Variants in PITPNC1 observed in about 807,000 individuals in gnomAD.
The protein encoded by PITPNC1 is phosphatidylinositol transfer protein cytoplasmic 1.
PITPNC1 carries 18 observed loss-of-function variants against 44.7 expected under a neutral mutation model. That is an observed-to-expected ratio of 0.40 (90% CI 0.28 to 0.60). The LOEUF (loss-of-function observed/expected upper bound fraction) is 0.60, where lower values mean the gene tolerates loss of function less well. PITPNC1 is among the 20% of genes least tolerant of loss of function. The pLI, the probability that PITPNC1 is intolerant of heterozygous loss-of-function variation, is 0.39. For synonymous variants in PITPNC1, 141 were observed against 149.6 expected (o/e 0.94, Z 0.42); for missense variants, 290 against 418.4 (o/e 0.69, Z 2.68).
chr17:67,585,123 A>AT (rs2041295258), intron 5 of PITPNC1, among the ~76,000 whole-genome samples: 1 of 151,150 alleles, frequency 6.6e-6, no homozygotes, highest in Non-Finnish European at 1.5e-5. Flanking sequence ...TCTCAGAAAA[A>AT]AAAAAAAAAA....
intron 1 of PITPNC1, among the ~76,000 whole-genome samples, chr17:67,418,712 C>T (rs552112647): frequency 6.6e-6 from 1 of 152,066 alleles, no homozygotes; most frequent in Non-Finnish European, 1.5e-5. Context: ...AGGCCCCCAC[C>T]ATCACGCCAG....
At chr17:67,419,364 C>T (rs988930435) in intron 1 of PITPNC1, among the ~76,000 whole-genome samples, 1 of 152,100 alleles carries the variant, frequency 6.6e-6, no homozygotes, top group Non-Finnish European at 1.5e-5. Flanking sequence ...TGATGCATTT[C>T]CTACTAAGAC....
chr17:67,509,851 A>T (rs1042068576), intron 1 of PITPNC1, among the ~76,000 whole-genome samples: 9 of 152,280 alleles, frequency 5.9e-5, no homozygotes, highest in African/African-American at 2.2e-4. Flanking sequence ...ATTTTGGGTC[A>T]ATTCGTCTTC....
intron 5 of PITPNC1, among the ~76,000 whole-genome samples, chr17:67,608,929 G>T (rs996354411): frequency 5.3e-5 from 8 of 152,058 alleles, no homozygotes; most frequent in African/African-American, 1.9e-4. Flanking sequence ...TGCATCTTTG[G>T]CAGGAATTCT....
chr17:67,427,444 C>G (rs1312292735), intron 1 of PITPNC1, among the ~76,000 whole-genome samples: 5 of 152,066 alleles, frequency 3.3e-5, no homozygotes, highest in African/African-American at 1.2e-4. Context: ...GATCTCCTGA[C>G]CTTGTGATCC....
At chr17:67,451,404 A>G (rs1355664956) in intron 1 of PITPNC1, among the ~76,000 whole-genome samples, 7 of 152,058 alleles carry the variant, frequency 4.6e-5, no homozygotes, top group Admixed American at 4.6e-4. Flanking sequence ...TAAAACAACA[A>G]AAGCTCTTAA....
In PITPNC1 at chr17:67,405,065, G is replaced by A. The variant is rs1173482005; in HGVS notation, c.48+26863G>A. 8.5e-5 allele frequency among the ~76,000 whole-genome samples: 13 copies of A among 152,156 alleles called. No homozygotes were observed. In the South Asian group the frequency reaches 2.5e-3, roughly 29 times the overall value. On this transcript the variant is annotated intron_variant, in intron 1 of 8. Transcript: ENST00000581322. ...AGTTCGAGGCTAGCCTGGCCAACATGGTGAAACCCTGTGTCTACTAAAAAT... is the reference window on the plus strand; with the variant it reads ...AGTTCGAGGCTAGCCTGGCCAACATAGTGAAACCCTGTGTCTACTAAAAAT...
chr17:67,518,431 G>C (rs2040284135), intron 1 of PITPNC1, among the ~76,000 whole-genome samples: 1 of 145,898 alleles, frequency 6.9e-6, no homozygotes, highest in Admixed American at 6.9e-5. Flanking sequence ...TGTTTAATCA[G>C]GACCCTACTG....
intron 4 of PITPNC1, among the ~76,000 whole-genome samples, chr17:67,559,918 GATTA>G (rs2040885110): frequency 6.6e-6 from 1 of 152,164 alleles, no homozygotes; most frequent in East Asian, 1.9e-4. Flanking sequence ...AAACAAAGAA[GATTA>G]TGTGAGACCG....
chr17:67,442,204 C>CATATATATATATAT lies in PITPNC1; in HGVS notation c.48+64033_48+64046dup, dbSNP rs10526037. On this transcript the variant is annotated intron_variant, in intron 1 of 8. Transcript: ENST00000581322. Reference sequence around the variant, plus strand: ...TGGAGCTGGATCAGGGGAAAATAAGCATATATATATATATATATATATATA... The same window carrying CATATATATATATAT: ...TGGAGCTGGATCAGGGGAAAATAAGCATATATATATATATATATATATATATATATATATATATA... Among the ~76,000 whole-genome samples, 16 of 54,244 alleles carry CATATATATATATAT rather than the reference C, an allele frequency of 2.9e-4. 1 individual carries two copies. Among genetic ancestry groups the CATATATATATATAT allele is most frequent in the Admixed American group, 3.3e-4 (1 of 3,072 alleles). The allele number at this position is 54,244 out of a possible 152,430, so 35.6% of individuals were successfully genotyped here.
intron 1 of PITPNC1, among the ~76,000 whole-genome samples, chr17:67,499,965 T>C (rs959091009): frequency 2.6e-5 from 4 of 152,258 alleles, no homozygotes; most frequent in Non-Finnish European, 4.4e-5. Context: ...TCCATCGTTT[T>C]AAATAAATGC....
At chr17:67,525,879 G>A (rs1433282773) in intron 1 of PITPNC1, among the ~76,000 whole-genome samples, 3 of 152,214 alleles carry the variant, frequency 2.0e-5, no homozygotes, top group Admixed American at 6.5e-5. Flanking sequence ...AATCACACAC[G>A]TTTCACAGCT....
At position 67,680,456 on chromosome 17, in the gene PITPNC1, T is replaced by C. The variant is rs955982618; in HGVS notation, c.682+4914T>C. Among the ~76,000 whole-genome samples, 8 of 152,006 alleles carry C rather than the reference T, an allele frequency of 5.3e-5. No individual in the cohort carries two copies. The East Asian group carries it at 1.5e-3, about 29-fold the overall frequency. On this transcript the variant is annotated intron_variant, in intron 8 of 8. Coordinates refer to ENST00000581322, the MANE Select transcript of PITPNC1 (RefSeq NM_012417.4). Reference sequence around the variant, plus strand: ...CTCTACTGAAAATACAAAAGTTAGCTAGGCGTGGTTGCGGGCACCTGTAAT... The same window carrying C: ...CTCTACTGAAAATACAAAAGTTAGCCAGGCGTGGTTGCGGGCACCTGTAAT...
chr17:67,573,213 A>C (rs1484103566), intron 4 of PITPNC1, among the ~76,000 whole-genome samples: 1 of 152,156 alleles, frequency 6.6e-6, no homozygotes, highest in Non-Finnish European at 1.5e-5. Flanking sequence ...GGCACCTGGA[A>C]ATGTGAGAGG....
At chr17:67,556,820 G>A (rs1216877194) in intron 4 of PITPNC1, among the ~76,000 whole-genome samples, 2 of 152,172 alleles carry the variant, frequency 1.3e-5, no homozygotes, top group East Asian at 1.9e-4. Flanking sequence ...GGCAGAGTTC[G>A]GGAAAATTAA....
At chr17:67,436,615 C>T (rs2038940241) in intron 1 of PITPNC1, among the ~76,000 whole-genome samples, 1 of 152,092 alleles carries the variant, frequency 6.6e-6, no homozygotes, top group Non-Finnish European at 1.5e-5. Context: ...ATGGGAGCCA[C>T]TGAGAGTTCT....
At chr17:67,496,876 C>T (rs1301792560) in intron 1 of PITPNC1, among the ~76,000 whole-genome samples, 1 of 152,040 alleles carries the variant, frequency 6.6e-6, no homozygotes, top group East Asian at 1.9e-4. Context: ...TTTCCGCCCT[C>T]CCAATTCTGC....
intron 5 of PITPNC1, among the ~76,000 whole-genome samples, chr17:67,608,254 A>C (rs1205556902): frequency 1.4e-5 from 2 of 147,702 alleles, no homozygotes; most frequent in African/African-American, 5.2e-5. Context: ...AAACAAAAAA[A>C]AACAAAAAAA....
chr17:67,498,524 T>C (rs560430380), intron 1 of PITPNC1, among the ~76,000 whole-genome samples: 1 of 152,346 alleles, frequency 6.6e-6, no homozygotes, highest in African/African-American at 2.4e-5. Flanking sequence ...AAATATCTCT[T>C]TGAGGTCTTG....
Sources: gnomAD v4.1 joint callset for allele counts (sites outside exome capture counted in the v4.1 genomes callset) on GRCh38, gnomAD v4.1.1 for gene constraint, MANE v1.5 for transcripts, NCBI Gene and HGNC (gene_info 2026-07-23, HGNC 2026-07-21) for gene names.